ANXA2: variants seen among roughly 807,000 people sequenced by gnomAD.
The protein encoded by ANXA2 is annexin II.
A neutral mutation model predicts 47.3 loss-of-function variants in ANXA2; 28 were observed. That is an observed-to-expected ratio of 0.59 (90% CI 0.44 to 0.81). ANXA2 has a LOEUF of 0.81. ANXA2 is among the 40% of genes least tolerant of loss of function. ANXA2 has a pLI of 0.00. For synonymous variants in ANXA2, 172 were observed against 155.5 expected, an observed-to-expected ratio of 1.11 and a Z score of -0.79; for missense variants, 384 against 414.3, an observed-to-expected ratio of 0.93 and a Z score of 0.64.
chr15:60,355,382 G>A (rs901476669), intron 7 of ANXA2: 10 of 174,786 alleles, frequency 5.7e-5, no homozygotes, highest in Admixed American at 2.9e-4. Flanking sequence ...AGGGTCTCTC[G>A]TCCCTCCCCT....
intron 3 of ANXA2, among the ~76,000 whole-genome samples, chr15:60,369,227 A>G (rs1178862127): frequency 1.3e-5 from 2 of 152,190 alleles, no homozygotes; most frequent in African/African-American, 4.8e-5. Context: ...ACTCTAAAAT[A>G]CCCACAAAGT....
At chr15:60,394,733 A>C (rs1157456908) in intron 1 of ANXA2, 1 of 151,760 alleles carries the variant, frequency 6.6e-6, no homozygotes, top group Non-Finnish European at 1.5e-5. Flanking sequence ...AAACAGCTTC[A>C]GGGTGTACCC....
intron 3 of ANXA2, among the ~76,000 whole-genome samples, chr15:60,379,271 C>G (rs1339339733): frequency 6.6e-6 from 1 of 151,846 alleles, no homozygotes; most frequent in African/African-American, 2.4e-5. Context: ...CAGCGAAACT[C>G]CATCTCAAAA....
At chr15:60,397,736 G>A in intron 1 of ANXA2, 1 of 603,510 alleles carries the variant, frequency 1.7e-6, no homozygotes, top group Non-Finnish European at 2.4e-6. Context: ...AGGGCCGGTG[G>A]CCCCTCACCC....
chr15:60,377,390 G>A (rs1424455001), intron 3 of ANXA2, among the ~76,000 whole-genome samples: 1 of 152,046 alleles, frequency 6.6e-6, no homozygotes. Flanking sequence ...GCAAAATACA[G>A]AAATACAGAA....
chr15:60,369,485 G>C (rs1046033318), intron 3 of ANXA2, among the ~76,000 whole-genome samples: 6 of 152,206 alleles, frequency 3.9e-5, no homozygotes, highest in Non-Finnish European at 8.8e-5. Flanking sequence ...AGTCAACCTA[G>C]GGGCCGCTGG....
chr15:60,365,990 A>G (rs2062592489), intron 3 of ANXA2, among the ~76,000 whole-genome samples: 1 of 141,168 alleles, frequency 7.1e-6, no homozygotes, highest in South Asian at 2.4e-4. Context: ...CTGCGATTGC[A>G]GGCGCGCGCC....
chr15:60,384,076 C>T (rs1285676386), intron 2 of ANXA2: 1 of 152,236 alleles, frequency 6.6e-6, no homozygotes, highest in East Asian at 1.9e-4. Context: ...AATTTCACCA[C>T]TTAAACTTTC....
chr15:60,374,628 G>C (rs1164292549), intron 3 of ANXA2: 4 of 456,062 alleles, frequency 8.8e-6, no homozygotes, highest in Non-Finnish European at 1.8e-5. Context: ...CAATTAGAAA[G>C]GCACCAAGGA....
intron 1 of ANXA2, among the ~76,000 whole-genome samples, chr15:60,390,010 T>C (rs1394853246): frequency 6.6e-6 from 1 of 152,196 alleles, no homozygotes. Context: ...TTCAAAGCAG[T>C]AGAAAGTATA....
chr15:60,374,204 G>A (rs538996491), intron 3 of ANXA2, among the ~76,000 whole-genome samples: 12 of 152,152 alleles, frequency 7.9e-5, no homozygotes, highest in Non-Finnish European at 1.6e-4. Context: ...TAATCTCACC[G>A]GCTGCTTTAA....
intron 3 of ANXA2, among the ~76,000 whole-genome samples, chr15:60,373,255 G>A (rs2062734063): frequency 6.6e-6 from 1 of 152,128 alleles, no homozygotes; most frequent in Non-Finnish European, 1.5e-5. Context: ...TTTGCCACCT[G>A]GTAATAATGC....
At chr15:60,386,692 T>C (rs1169618238) in intron 1 of ANXA2, 1 of 152,266 alleles carries the variant, frequency 6.6e-6, no homozygotes, top group Non-Finnish European at 1.5e-5. Context: ...TCTGTTGTAT[T>C]TAAGATTTGA....
At chr15:60,378,967 A>C (rs2062817546) in intron 3 of ANXA2, among the ~76,000 whole-genome samples, 1 of 151,624 alleles carries the variant, frequency 6.6e-6, no homozygotes, top group African/African-American at 2.4e-5. Flanking sequence ...TCTGTCTTAC[A>C]ATATATATAT....
chr15:60,357,067 C>T (rs1034331800), intron 6 of ANXA2, 79 bp downstream of exon 6: 18 of 1,349,924 alleles, frequency 1.3e-5, no homozygotes, highest in South Asian at 2.4e-5. Flanking sequence ...CATCTTAGCC[C>T]GAACCCTAAC....
intron 4 of ANXA2, among the ~76,000 whole-genome samples, chr15:60,363,174 C>T (rs2062543961): frequency 6.6e-6 from 1 of 152,066 alleles, no homozygotes; most frequent in Non-Finnish European, 1.5e-5. Context: ...TTCTGCTCCA[C>T]TGGGAACTTG....
chr15:60,363,185 G>A (rs1002232978), intron 4 of ANXA2, among the ~76,000 whole-genome samples: 2 of 152,074 alleles, frequency 1.3e-5, no homozygotes, highest in Non-Finnish European at 2.9e-5. Context: ...TGGGAACTTG[G>A]CTCTACCAGC....
rs538028221 is a variant in ANXA2 at position 60,382,365 on chromosome 15, A to G, written c.125T>C (p.Ile42Thr). Reference protein sequence around the residue: ...NFDAERDALNIETAIKTKGVD... With the variant: ...NFDAERDALNTETAIKTKGVD... ...ACCTTTGGTCTTGATGGCTGTTTCA[A>G]TGTTCAAAGCATCCCGCTCAGCATC... Residue 42 changes from isoleucine to threonine, a missense_variant, in exon 3 of 13, where the codon ATT becomes ACT. Physicochemically the swap from Ile to Thr is moderately conservative, Grantham distance 89 (BLOSUM62 -1). Transcript: ENST00000451270. 3.1e-6 allele frequency: 5 copies of G among 1,613,934 alleles called. No homozygotes were observed. The African/African-American group carries it at 6.7e-5, about 22-fold the overall frequency.
rs762007112 is a variant in ANXA2 at position 60,349,041 on chromosome 15, G to A, written c.960+34C>T. 10 of 1,612,892 alleles carry A rather than the reference G, an allele frequency of 6.2e-6. No individual in the cohort carries two copies. The Admixed American group carries it at 8.3e-5, about 13-fold the overall frequency. ...TGCCAGGGCCCGGGGTGCTCTGGAC[G>A]GCAGGGCAGGCTGACACTGCACCTC... is the stretch of plus-strand genomic sequence containing the variant. On this transcript the variant is annotated intron_variant, in intron 12 of 12. Transcript: ENST00000451270.
Sources: gnomAD v4.1 joint callset for allele counts (sites outside exome capture counted in the v4.1 genomes callset) on GRCh38, gnomAD v4.1.1 for gene constraint, MANE v1.5 for transcripts, NCBI Gene and HGNC (gene_info 2026-07-23, HGNC 2026-07-21) for gene names.